Variants in IGDCC3 observed in about 807,000 individuals in gnomAD.
The protein encoded by IGDCC3 is putative neuronal cell adhesion molecule.
A neutral mutation model predicts 72.0 loss-of-function variants in IGDCC3; 47 were observed. That is an observed-to-expected ratio of 0.65 (90% confidence interval 0.52 to 0.83). IGDCC3 has a LOEUF of 0.83. IGDCC3 is among the 40% of genes least tolerant of loss of function. The pLI, the probability that IGDCC3 is intolerant of heterozygous loss-of-function variation, is 0.00. For synonymous variants in IGDCC3, 477 were observed against 472.8 expected (o/e 1.01, Z -0.11); for missense variants, 1,038 against 1,091.3 (o/e 0.95, Z 0.69).
intron 2 of IGDCC3, among the ~76,000 whole-genome samples, chr15:65,358,557 G>C (rs1189220737): frequency 6.6e-6 from 1 of 152,136 alleles, no homozygotes; most frequent in African/African-American, 2.4e-5. Flanking sequence ...GTGCCTGAAT[G>C]GCCAATCCTC....
chr15:65,369,236 G>A (rs1035985874), intron 2 of IGDCC3, among the ~76,000 whole-genome samples: 19 of 152,120 alleles, frequency 1.2e-4, no homozygotes, highest in African/African-American at 4.1e-4. Flanking sequence ...AGGCAGGCAC[G>A]TCTTGAAGAT....
rs746710334 is a variant in IGDCC3, at chr15:65,335,911, T to A, written c.455A>T (p.Glu152Val). ...GCACTGGAAGCGGGCCACACCACCCTCCTCACCCACGGTGGCCTGGGGATG... is the reference window on the plus strand; with the variant it reads ...GCACTGGAAGCGGGCCACACCACCCACCTCACCCACGGTGGCCTGGGGATG... ...HVHPQATVGEEGGVARFQCQI... is the reference protein window; with the variant it reads ...HVHPQATVGEVGGVARFQCQI... Residue 152 changes from glutamate to valine, a missense_variant, in exon 3 of 14, where the codon GAG (glutamate) becomes GTG (valine). Physicochemically the swap from Glu to Val is moderately radical, Grantham distance 121. Transcript: ENST00000327987. 6.2e-7 allele frequency: 1 copy of A among 1,614,094 alleles called. No individual in the cohort carries two copies. The highest frequency in any genetic ancestry group is 2.2e-5 in the East Asian group (1 of 44,874).
Position 65,327,360 on chromosome 15 carries a change from A to G in IGDCC3, c.*1549T>C, listed in dbSNP as rs1380521737. ...GAAGGGAAGGGACTACCCTTCCCCAAGTCCACGCGGACACAGCTCTAGTTT... is the reference window on the plus strand; with the variant it reads ...GAAGGGAAGGGACTACCCTTCCCCAGGTCCACGCGGACACAGCTCTAGTTT... On this transcript the variant is annotated 3_prime_UTR_variant, in exon 14 of 14. Transcript: ENST00000327987. 1 of 152,252 alleles carries G rather than the reference A, an allele frequency of 6.6e-6. No homozygotes were observed. Among genetic ancestry groups the G allele is most frequent in the African/African-American group, 2.4e-5 (1 of 41,442 alleles). 9.4% of individuals were successfully genotyped at this position (152,252 alleles called of 1,614,324 possible). A position where few individuals can be genotyped will look rare whatever the true frequency, so the allele number is the denominator to read the frequency against.
chr15:65,339,322 C>T lies in IGDCC3; in HGVS notation c.410-3366G>A, dbSNP rs901580695. ...GTCTCAAACTCCTGACCTCGTGATC[C>T]GCCCGCCTTGGCTTCCCAAAGTGCT... On this transcript the variant is annotated intron_variant, in intron 2 of 13. Transcript: ENST00000327987. This position sits in a 1 kb window ranked among gnomAD's most constrained non-coding sequence, Gnocchi z 4.1. Among the ~76,000 whole-genome samples the T allele has an allele frequency of 2.0e-5, 3 of 152,196 alleles. No individual in the cohort carries two copies. The highest frequency in any genetic ancestry group is 2.9e-5 in the Non-Finnish European group (2 of 68,040).
intron 2 of IGDCC3, among the ~76,000 whole-genome samples, chr15:65,346,337 G>A (rs895659118): frequency 2.6e-5 from 4 of 152,222 alleles, no homozygotes; most frequent in Non-Finnish European, 1.5e-5. Context: ...TATGCCTGTA[G>A]TCTAGCCCAC....
At position 65,339,996 on chromosome 15, in the gene IGDCC3, G is replaced by A. The variant is rs143845530; in HGVS notation, c.410-4040C>T. On this transcript the variant is annotated intron_variant, in intron 2 of 13. Transcript: ENST00000327987. The surrounding 1 kb of genome is among the most constrained non-coding windows in gnomAD (Gnocchi z 4.1). ...GGGGAGAAAGGAAGAAGGCACCTTTGTCCACAGCGATCTGGGAAGGAATCT... is the reference window on the plus strand; with the variant it reads ...GGGGAGAAAGGAAGAAGGCACCTTTATCCACAGCGATCTGGGAAGGAATCT... 1.3e-5 allele frequency among the ~76,000 whole-genome samples: 2 copies of A among 152,328 alleles called. No homozygotes were observed. The highest frequency in any genetic ancestry group is 1.9e-4 in the East Asian group (1 of 5,182).
chr15:65,350,935 T>C (rs1283970909), intron 2 of IGDCC3, among the ~76,000 whole-genome samples: 1 of 152,198 alleles, frequency 6.6e-6, no homozygotes, highest in African/African-American at 2.4e-5. Flanking sequence ...ACATGCAAGG[T>C]GTGCAAAGAA....
intron 2 of IGDCC3, among the ~76,000 whole-genome samples, chr15:65,344,309 CTCCGTCTGCCT>C (rs2091107454): frequency 6.6e-6 from 1 of 152,100 alleles, no homozygotes; most frequent in Non-Finnish European, 1.5e-5. Flanking sequence ...CTCTGGATGC[CTCCGTCTGCCT>C]TCTTGGCCTC....
chr15:65,329,186 G>A lies in IGDCC3; in HGVS notation c.2206-38C>T. 1 of 1,573,584 alleles carries A rather than the reference G, an allele frequency of 6.4e-7. No homozygotes were observed. ...CCCGTCACACAGGCGTCAGCTTGAG[G>A]GCCAGGGCGCCAGGCTCCAACTCAC... On this transcript the variant is annotated intron_variant, in intron 13 of 13. Coordinates refer to ENST00000327987, the MANE Select transcript of IGDCC3 (RefSeq NM_004884.4). The surrounding 1 kb of genome is among the most constrained non-coding windows in gnomAD (Gnocchi z 4.1).
At chr15:65,367,390 G>A (rs528246841) in intron 2 of IGDCC3, among the ~76,000 whole-genome samples, 2 of 150,374 alleles carry the variant, frequency 1.3e-5, no homozygotes, top group African/African-American at 4.9e-5. Context: ...AATGGGGAGA[G>A]GGGGGAGGGA....
intron 2 of IGDCC3, among the ~76,000 whole-genome samples, chr15:65,367,850 C>A (rs2091297654): frequency 6.6e-6 from 1 of 152,122 alleles, no homozygotes; most frequent in African/African-American, 2.4e-5. Flanking sequence ...GACCCCAACG[C>A]TAGGCCCCTC....
At position 65,354,510 on chromosome 15, in the gene IGDCC3, T is replaced by A. The variant is rs553581146; in HGVS notation, c.410-18554A>T. Among the ~76,000 whole-genome samples, 146 of 152,306 alleles carry A rather than the reference T, an allele frequency of 9.6e-4. 1 individual carries two copies. The highest frequency in any genetic ancestry group is 7.5e-3 in the South Asian group (36 of 4,828). ...TCTAACATGTTGCCTGCACGTCTCCTACCCCTTTTCAGACTGTATTAGAGT... is the reference window on the plus strand; with the variant it reads ...TCTAACATGTTGCCTGCACGTCTCCAACCCCTTTTCAGACTGTATTAGAGT... On this transcript the variant is annotated intron_variant, in intron 2 of 13. Coordinates refer to ENST00000327987, the MANE Select transcript of IGDCC3 (RefSeq NM_004884.4).
chr15:65,334,092 C>A (rs1479582939), intron 5 of IGDCC3, among the ~76,000 whole-genome samples: 7 of 151,776 alleles, frequency 4.6e-5, no homozygotes, highest in Non-Finnish European at 2.9e-5. Context: ...CTGCCTGCTG[C>A]CCCCTCCCTC....
chr15:65,333,556 G>C (rs2090998484), intron 5 of IGDCC3, 141 bp from the exon 6 acceptor site: 1 of 752,106 alleles, frequency 1.3e-6, no homozygotes. Context: ...TTCCCTCCTA[G>C]GCACCTTAAC....
At chr15:65,360,004 C>G (rs2091250183) in intron 2 of IGDCC3, among the ~76,000 whole-genome samples, 1 of 152,106 alleles carries the variant, frequency 6.6e-6, no homozygotes, top group African/African-American at 2.4e-5. Flanking sequence ...ATTCTCTCAC[C>G]CTCATCAGAT....
At chr15:65,334,902 G>A in intron 4 of IGDCC3, 37 bp from the exon 5 acceptor site, 1 of 1,587,320 alleles carries the variant, frequency 6.3e-7, no homozygotes, top group Non-Finnish European at 8.6e-7. Flanking sequence ...ACTTCAGCTG[G>A]GGACTTTCCC....
At chr15:65,373,329 G>C (rs1209377279) in intron 2 of IGDCC3, among the ~76,000 whole-genome samples, 1 of 152,152 alleles carries the variant, frequency 6.6e-6, no homozygotes, top group Non-Finnish European at 1.5e-5. Flanking sequence ...CCAGCCATCT[G>C]CTCAGAGGCT....
chr15:65,355,964 C>T (rs2091217312), intron 2 of IGDCC3: 1 of 272,504 alleles, frequency 3.7e-6, no homozygotes, highest in African/African-American at 2.3e-5. Context: ...GAAATAGGCC[C>T]TTCACCTTCC....
At chr15:65,342,039 T>C (rs974148602) in intron 2 of IGDCC3, among the ~76,000 whole-genome samples, 3 of 151,900 alleles carry the variant, frequency 2.0e-5, no homozygotes, top group Non-Finnish European at 4.4e-5. Context: ...CCTCCCAAAG[T>C]GTTGGGATTA....
Sources: allele counts gnomAD v4.1 joint callset (sites outside exome capture counted in the v4.1 genomes callset), GRCh38; gene constraint gnomAD v4.1.1; non-coding constraint Gnocchi (gnomAD v3.1); transcripts MANE v1.5; gene names NCBI Gene and HGNC (gene_info 2026-07-23, HGNC 2026-07-21).